STAU1: variants seen among roughly 807,000 people sequenced by gnomAD.
The protein encoded by STAU1 is double-stranded RNA-binding protein Staufen homolog 1.
A neutral mutation model predicts 62.9 loss-of-function variants in STAU1; 13 were observed. The observed-to-expected ratio is 0.21, with a 90% CI of 0.13 to 0.33. The LOEUF is 0.33. Ranked by LOEUF, STAU1 falls within the 10% of genes least tolerant of loss-of-function variation. The pLI, the probability that STAU1 is intolerant of heterozygous loss-of-function variation, is 1.00. For synonymous variants in STAU1, 269 were observed against 265.1 expected, an observed-to-expected ratio of 1.01 and a Z score of -0.14; for missense variants, 571 against 712.1, an observed-to-expected ratio of 0.80 and a Z score of 2.25.
the STAU1 span, among the ~76,000 whole-genome samples, chr20:49,198,351 TA>T: frequency 1.3e-5 from 2 of 151,408 alleles, no homozygotes; most frequent in African/African-American, 4.9e-5. Flanking sequence ...CTGTCTCTAC[TA>T]AAAATAGAAA....
At chr20:49,206,848 C>T in the STAU1 span, among the ~76,000 whole-genome samples, 261 of 150,292 alleles carry the variant, frequency 1.7e-3, no homozygotes, top group Non-Finnish European at 3.0e-3. Context: ...ATTCACCTCC[C>T]GGGTTCAAGC....
intron 1 of STAU1, among the ~76,000 whole-genome samples, chr20:49,175,634 C>A (rs949696526): frequency 6.6e-6 from 1 of 151,496 alleles, no homozygotes; most frequent in Non-Finnish European, 1.5e-5. Context: ...TGCCCGCTAC[C>A]ACGCCTGGCT....
chr20:49,119,198 T>G (rs1194881460), intron 9 of STAU1, among the ~76,000 whole-genome samples: 1 of 152,176 alleles, frequency 6.6e-6, no homozygotes, highest in Admixed American at 6.5e-5. Flanking sequence ...ACGTTCCTTT[T>G]TTGTTGTTGT....
At chr20:49,154,129 A>G (rs971231794) in intron 3 of STAU1, 58 bp from the exon 4 acceptor site, 2 of 1,512,822 alleles carry the variant, frequency 1.3e-6, no homozygotes, top group African/African-American at 1.4e-5. Context: ...GATACTCACT[A>G]AAATAAAATG....
chr20:49,121,659 A>C (rs1463044189), intron 8 of STAU1, among the ~76,000 whole-genome samples: 1 of 152,150 alleles, frequency 6.6e-6, no homozygotes, highest in African/African-American at 2.4e-5. Flanking sequence ...AGTAAAATTT[A>C]TAAAACACAC....
At chr20:49,191,279 G>A (rs900375871), upstream of STAU1, among the ~76,000 whole-genome samples, 6 of 152,072 alleles carry the variant, frequency 3.9e-5, no homozygotes, top group Non-Finnish European at 7.4e-5. Context: ...CACCCGCCTC[G>A]GCCTCCCAAG....
intron 6 of STAU1, among the ~76,000 whole-genome samples, chr20:49,129,279 AATTTTTTTTT>A (rs1466065283): frequency 2.0e-5 from 2 of 101,958 alleles, no homozygotes; most frequent in African/African-American, 4.4e-5. Context: ...TTTAAAAAAA[AATTTTTTTTT>A]TTTTTTTTTT....
At chr20:49,153,784 G>C in intron 4 of STAU1, 149 bp downstream of exon 4, 1 of 614,546 alleles carries the variant, frequency 1.6e-6, no homozygotes, top group East Asian at 3.4e-5. Flanking sequence ...GGGGCACAAA[G>C]GCACAAGAGT....
intron 6 of STAU1, among the ~76,000 whole-genome samples, chr20:49,125,804 C>T (rs564672708): frequency 6.6e-6 from 1 of 152,006 alleles, no homozygotes; most frequent in East Asian, 1.9e-4. Flanking sequence ...GCTGAGATTG[C>T]GCCACTCCAG....
the STAU1 span, among the ~76,000 whole-genome samples, chr20:49,193,684 C>CAG: frequency 0.72 from 109,410 of 151,672 alleles, 40,079 homozygotes; most frequent in African/African-American, 0.84. Context: ...CTCAAAAAAA[C>CAG]GGGCCGGGCG....
the STAU1 span, among the ~76,000 whole-genome samples, chr20:49,203,545 AG>A: frequency 3.3e-5 from 5 of 152,220 alleles, no homozygotes; most frequent in Admixed American, 2.0e-4. Flanking sequence ...CTGGATTTTA[AG>A]GTGACGATTC....
the STAU1 span, among the ~76,000 whole-genome samples, chr20:49,207,419 G>A: frequency 1.3e-5 from 2 of 152,158 alleles, no homozygotes. Flanking sequence ...AGTCCTCCGG[G>A]CAGGCCTCTT....
chr20:49,166,469 C>A (rs2093528200), intron 2 of STAU1, among the ~76,000 whole-genome samples, 184 bp from the exon 3 acceptor site: 1 of 152,196 alleles, frequency 6.6e-6, no homozygotes, highest in African/African-American at 2.4e-5. Flanking sequence ...GGCCTTGTGA[C>A]TTTCCCACAG....
At chr20:49,123,448 T>A (rs190135105) in intron 7 of STAU1, among the ~76,000 whole-genome samples, 116 of 152,334 alleles carry the variant, frequency 7.6e-4, no homozygotes, top group African/African-American at 2.6e-3. Context: ...CAAACCAACA[T>A]CAACATTTCA....
chr20:49,206,893 T>C, the STAU1 span, among the ~76,000 whole-genome samples: 3 of 151,090 alleles, frequency 2.0e-5, no homozygotes, highest in Non-Finnish European at 3.0e-5. Flanking sequence ...GTAGCTGGGA[T>C]TACAGGCGTG....
chr20:49,218,167 G>A, the STAU1 span, among the ~76,000 whole-genome samples: 10 of 150,858 alleles, frequency 6.6e-5, no homozygotes, highest in African/African-American at 9.8e-5. Context: ...GAGTCACCGC[G>A]CCCAGCTAGC....
chr20:49,178,169 T>C (rs1167863569), intron 1 of STAU1, among the ~76,000 whole-genome samples: 1 of 152,116 alleles, frequency 6.6e-6, no homozygotes, highest in Non-Finnish European at 1.5e-5. Flanking sequence ...GAAGCAAGAC[T>C]CCATCTCAAA....
chr20:49,126,588 C>CAAAAAAAAAAAAAAAAAAAAAAACAA, intron 6 of STAU1, among the ~76,000 whole-genome samples: 53 of 56,332 alleles, frequency 9.4e-4, no homozygotes, highest in Middle Eastern at 0.013. Context: ...AAAAAAAAAA[C>CAAAAAAAAAAAAAAAAAAAAAAACAA]AAAAAAAAAA....
At chr20:49,170,849 C>T (rs1004710467) in intron 2 of STAU1, among the ~76,000 whole-genome samples, 4 of 151,074 alleles carry the variant, frequency 2.6e-5, no homozygotes, top group Admixed American at 2.0e-4. Flanking sequence ...CTTTTCAGAT[C>T]ATCACAAACA....
Sources: gnomAD v4.1 joint callset for allele counts (sites outside exome capture counted in the v4.1 genomes callset) on GRCh38, gnomAD v4.1.1 for gene constraint, MANE v1.5 for transcripts, NCBI Gene and HGNC (gene_info 2026-07-23, HGNC 2026-07-21) for gene names.